Variants in NINL observed in about 807,000 individuals in gnomAD.
The protein encoded by NINL is ninein like.
Under a neutral mutation model 160.3 loss-of-function variants are expected in NINL, and 153 were observed. The observed-to-expected ratio is 0.95, with a 90% confidence interval of 0.84 to 1.09. The LOEUF (loss-of-function observed/expected upper bound fraction) is 1.09. Among genes scored for constraint, NINL ranks in the 50% least tolerant of loss-of-function variants. NINL has a pLI of 0.00. For missense variants in NINL, 1,829 were observed against 1,764.0 expected, an observed-to-expected ratio of 1.04 and a Z score of -0.66; for synonymous variants, 800 against 734.8, an observed-to-expected ratio of 1.09 and a Z score of -1.43.
At chr20:25,531,307 T>C (rs74470377) in intron 1 of NINL, among the ~76,000 whole-genome samples, 2 of 152,116 alleles carry the variant, frequency 1.3e-5, no homozygotes, top group Non-Finnish European at 2.9e-5. Flanking sequence ...TACAAACAAT[T>C]TGTGCAGTTA....
At chr20:25,508,483 G>T (rs2064004147) in intron 5 of NINL, among the ~76,000 whole-genome samples, 1 of 152,270 alleles carries the variant, frequency 6.6e-6, no homozygotes, top group Admixed American at 6.5e-5. Flanking sequence ...AAAGGGAATG[G>T]CGGGGCACCC....
At chr20:25,521,957 C>T (rs2064271366) in intron 2 of NINL, among the ~76,000 whole-genome samples, 1 of 152,110 alleles carries the variant, frequency 6.6e-6, no homozygotes, top group East Asian at 1.9e-4. Context: ...GAGACAAGAT[C>T]TCACTCAGGC....
intron 10 of NINL, among the ~76,000 whole-genome samples, chr20:25,495,789 C>T (rs888657223): frequency 2.6e-5 from 4 of 152,228 alleles, no homozygotes; most frequent in African/African-American, 4.8e-5. Flanking sequence ...CCCTCTTGGG[C>T]GGAATTTCCT....
intron 12 of NINL, 62 bp downstream of exon 12, chr20:25,489,813 C>T (rs1289131274): frequency 2.1e-6 from 3 of 1,428,638 alleles, no homozygotes; most frequent in African/African-American, 1.4e-5. Flanking sequence ...CCACCCCCGC[C>T]ACCCCCACTC....
chr20:25,512,429 T>G (rs56243008), intron 4 of NINL, among the ~76,000 whole-genome samples: 17,308 of 152,220 alleles, frequency 0.11, 1,091 homozygotes, highest in African/African-American at 0.16. Flanking sequence ...TTCATGATAG[T>G]GAGTTCTCAT....
chr20:25,479,288 T>G, intron 15 of NINL, 82 bp from the exon 16 acceptor site: 1 of 1,508,224 alleles, frequency 6.6e-7, no homozygotes. Context: ...AACACGAAGC[T>G]GCCTGGCACA....
intron 2 of NINL, among the ~76,000 whole-genome samples, chr20:25,525,576 T>G (rs976649422): frequency 1.3e-5 from 2 of 151,966 alleles, no homozygotes; most frequent in African/African-American, 4.8e-5. Context: ...ATTGCTTGAG[T>G]CTGGGAGTTG....
chr20:25,461,628 T>G lies in NINL; in HGVS notation c.3590A>C (p.Gln1197Pro). The change falls in exon 21 of 24, where the codon CAA becomes CCA. Residue 1197 changes from glutamine (Q) to proline (P), a missense_variant. Coordinates refer to ENST00000278886, the MANE Select transcript of NINL (RefSeq NM_025176.6). ...VVRSGQQQSD[Q>P]IQKLRVELEC... The stretch of plus-strand genomic sequence containing the variant: ...AAGTTCAACTCTAAGTTTTTGGATT[T>G]GGTCACTCTGTTTTTAAAAAATCAA... The G allele has an allele frequency of 6.2e-7, 1 of 1,609,252 alleles. No homozygotes were observed. Among genetic ancestry groups the G allele is most frequent in the Non-Finnish European group, 8.5e-7 (1 of 1,176,122 alleles).
At chr20:25,477,927 TTTTTTTTTTTTTTGAGACGAGTCTCAC>T (rs1392476184) in intron 16 of NINL, among the ~76,000 whole-genome samples, 10 of 53,296 alleles carry the variant, frequency 1.9e-4, no homozygotes, top group African/African-American at 4.0e-4. Flanking sequence ...GACAGACGAC[TTTTTTTTTTTTTTGAGACGAGTCTCAC>T]TTTTTTTTTT....
intron 14 of NINL, 110 bp downstream of exon 14, chr20:25,481,858 G>T: frequency 6.8e-7 from 1 of 1,462,766 alleles, no homozygotes; most frequent in Non-Finnish European, 9.2e-7. Flanking sequence ...CCTCCCTTCA[G>T]GTCACAGCAA....
chr20:25,536,389 T>C (rs2064557064), intron 1 of NINL, among the ~76,000 whole-genome samples: 1 of 152,004 alleles, frequency 6.6e-6, no homozygotes, highest in South Asian at 2.1e-4. Context: ...GATGGAGCAT[T>C]TGGAAAAAAT....
At chr20:25,575,273 C>T (rs895737998) in intron 1 of NINL, among the ~76,000 whole-genome samples, 1 of 150,324 alleles carries the variant, frequency 6.7e-6, no homozygotes, top group African/African-American at 2.5e-5. Context: ...ATGGTGAAAC[C>T]CCGTCTCTAC....
intron 1 of NINL, among the ~76,000 whole-genome samples, chr20:25,570,702 T>A (rs1273428171): frequency 7.2e-6 from 1 of 138,274 alleles, no homozygotes; most frequent in Non-Finnish European, 1.6e-5. Context: ...GACTTTTTTT[T>A]TTTTTTTTTT....
chr20:25,567,585 A>G (rs1312937568), intron 1 of NINL, among the ~76,000 whole-genome samples: 1 of 152,178 alleles, frequency 6.6e-6, no homozygotes. Flanking sequence ...ACCTGAAAGA[A>G]GCCAGAAGAA....
At chr20:25,462,101 T>A (rs2062804040) in intron 20 of NINL, among the ~76,000 whole-genome samples, 1 of 152,252 alleles carries the variant, frequency 6.6e-6, no homozygotes, top group Non-Finnish European at 1.5e-5. Context: ...TCAAGGCATG[T>A]GGACTTTCTT....
chr20:25,553,104 GT>G (rs3036846), intron 1 of NINL, among the ~76,000 whole-genome samples: 2 of 100,120 alleles, frequency 2.0e-5, no homozygotes, highest in African/African-American at 7.8e-5. Flanking sequence ...CCCTTGTTGG[GT>G]TTTTTTTTTT....
intron 1 of NINL, among the ~76,000 whole-genome samples, chr20:25,540,997 A>G (rs998617064): frequency 6.6e-6 from 1 of 151,994 alleles, no homozygotes; most frequent in African/African-American, 2.4e-5. Context: ...CAAAAATCTA[A>G]AAATAAGCTT....
chr20:25,472,323 G>GTATATATATATATA (rs1568859320), intron 17 of NINL, among the ~76,000 whole-genome samples: 3 of 54,626 alleles, frequency 5.5e-5, no homozygotes, highest in African/African-American at 2.0e-4. Flanking sequence ...TGGGAGGAGA[G>GTATATATATATATA]GATATATATA....
Position 25,455,841 on chromosome 20 carries a change from C to T in NINL, c.3844-55G>A, listed in dbSNP as rs935540531. The T allele has an allele frequency of 3.3e-5, 48 of 1,466,934 alleles. 1 individual carries two copies. Among genetic ancestry groups the T allele is most frequent in the Admixed American group, 1.0e-4 (6 of 59,604 alleles). The allele number at this position is 1,466,934 out of a possible 1,614,324, so 90.9% of individuals were successfully genotyped here. A position where few individuals can be genotyped will look rare whatever the true frequency, so the allele number is the denominator to read the frequency against. ...GGCATGGTGGCTCACGCCTCTAATCCCAGCACTTTGGGAGGCCGAGGCGGG... is the reference window on the plus strand; with the variant it reads ...GGCATGGTGGCTCACGCCTCTAATCTCAGCACTTTGGGAGGCCGAGGCGGG... On this transcript the variant is annotated intron_variant, in intron 22 of 23. Transcript: ENST00000278886.
Sources: allele counts gnomAD v4.1 joint callset (sites outside exome capture counted in the v4.1 genomes callset), GRCh38; gene constraint gnomAD v4.1.1; transcripts MANE v1.5; gene names NCBI Gene and HGNC (gene_info 2026-07-23, HGNC 2026-07-21).